The following DCP1A variants were observed in gnomAD, a reference collection of about 807,000 sequenced individuals.
DCP1A encodes the protein mRNA-decapping enzyme 1A.
DCP1A carries 20 observed loss-of-function variants against 58.0 expected under a neutral mutation model. The observed-to-expected ratio is 0.34, with a 90% CI of 0.24 to 0.50. The LOEUF (loss-of-function observed/expected upper bound fraction) is 0.50. DCP1A is among the 20% of genes least tolerant of loss of function. DCP1A has a pLI of 0.98. For missense variants in DCP1A, 613 were observed against 712.2 expected, an observed-to-expected ratio of 0.86 and a Z score of 1.59; for synonymous variants, 285 against 275.1, an observed-to-expected ratio of 1.04 and a Z score of -0.36.
intron 3 of DCP1A, among the ~76,000 whole-genome samples, chr3:53,332,712 A>T (rs1190650040): frequency 1.3e-5 from 2 of 152,098 alleles, no homozygotes; most frequent in African/African-American, 4.8e-5. Context: ...AAAATACCAA[A>T]AAATTAGCCG....
chr3:53,305,729 T>C (rs1399592071), intron 5 of DCP1A, among the ~76,000 whole-genome samples: 1 of 152,154 alleles, frequency 6.6e-6, no homozygotes, highest in Non-Finnish European at 1.5e-5. Flanking sequence ...CTTCTAAAAG[T>C]TTTATAGTTT....
At chr3:53,302,240 A>C (rs1327195975) in intron 6 of DCP1A, among the ~76,000 whole-genome samples, 3 of 152,204 alleles carry the variant, frequency 2.0e-5, no homozygotes, top group African/African-American at 7.2e-5. Context: ...GGTACATAGG[A>C]TCTTTCTGCA....
chr3:53,346,002 GGTT>G (rs572936802), intron 1 of DCP1A, among the ~76,000 whole-genome samples: 5 of 152,052 alleles, frequency 3.3e-5, no homozygotes, highest in Non-Finnish European at 7.4e-5. Context: ...TTTCAATTCA[GGTT>G]ATTATAGCTT....
At chr3:53,300,089 A>T (rs917241959) in intron 6 of DCP1A, among the ~76,000 whole-genome samples, 2 of 152,264 alleles carry the variant, frequency 1.3e-5, no homozygotes, top group South Asian at 4.1e-4. Flanking sequence ...GCTGGTCTCA[A>T]ACTCCTGACC....
chr3:53,304,388 T>C, intron 5 of DCP1A, 98 bp from the exon 6 acceptor site: 1 of 832,630 alleles, frequency 1.2e-6, no homozygotes, highest in Non-Finnish European at 1.9e-6. Context: ...ATGTTATTTT[T>C]TAAAAAGAAG....
intron 3 of DCP1A, among the ~76,000 whole-genome samples, chr3:53,339,096 CA>C (rs1553692280): frequency 6.6e-6 from 1 of 152,110 alleles, no homozygotes; most frequent in African/African-American, 2.4e-5. Context: ...TATGCATAAT[CA>C]GATACTAACT....
At chr3:53,320,394 T>A (rs1358021026) in intron 3 of DCP1A, among the ~76,000 whole-genome samples, 1 of 145,032 alleles carries the variant, frequency 6.9e-6, no homozygotes, top group Non-Finnish European at 1.5e-5. Flanking sequence ...TAGAGTAGAA[T>A]ACTGAACATA....
At chr3:53,322,716 C>T (rs1010015683) in intron 3 of DCP1A, among the ~76,000 whole-genome samples, 1 of 151,954 alleles carries the variant, frequency 6.6e-6, no homozygotes, top group Admixed American at 6.6e-5. Context: ...GGCCATGTGT[C>T]CCACAAGTGG....
chr3:53,323,275 C>T (rs1177776388), intron 3 of DCP1A, among the ~76,000 whole-genome samples: 1 of 152,166 alleles, frequency 6.6e-6, no homozygotes, highest in Non-Finnish European at 1.5e-5. Flanking sequence ...TTTAACATCT[C>T]AATGGAAGGA....
intron 3 of DCP1A, among the ~76,000 whole-genome samples, chr3:53,322,345 G>A (rs995412313): frequency 1.8e-4 from 28 of 151,840 alleles, no homozygotes; most frequent in Admixed American, 1.2e-3. Context: ...CCAGCTACTC[G>A]GGAGGCTGAG....
intron 3 of DCP1A, among the ~76,000 whole-genome samples, chr3:53,332,296 T>C (rs1206127496): frequency 2.6e-5 from 4 of 152,232 alleles, no homozygotes; most frequent in Non-Finnish European, 5.9e-5. Flanking sequence ...ATTGGCCCAA[T>C]TATTTTATTT....
intron 4 of DCP1A, among the ~76,000 whole-genome samples, chr3:53,313,602 T>G (rs1707713486): frequency 6.6e-6 from 1 of 152,118 alleles, no homozygotes; most frequent in African/African-American, 2.4e-5. Context: ...ATAATAAATT[T>G]TAATAAAGCA....
intron 8 of DCP1A, chr3:53,290,558 C>T (rs1706819190): frequency 1.6e-6 from 1 of 628,170 alleles, no homozygotes; most frequent in South Asian, 1.9e-5. Flanking sequence ...CCATAGCTAA[C>T]TCTTTTCACT....
intron 2 of DCP1A, among the ~76,000 whole-genome samples, 157 bp downstream of exon 2, chr3:53,344,741 AAAAG>A (rs1316717520): frequency 1.3e-5 from 2 of 152,212 alleles, no homozygotes; most frequent in Non-Finnish European, 2.9e-5. Flanking sequence ...AGGCTCAGAG[AAAAG>A]AAAGAACCTG....
chr3:53,299,383 T>C (rs534230372), intron 6 of DCP1A, among the ~76,000 whole-genome samples: 2 of 152,346 alleles, frequency 1.3e-5, no homozygotes, highest in South Asian at 2.1e-4. Context: ...TTCATGTAGA[T>C]CAAGTGTTAG....
chr3:53,321,259 A>G (rs1553689916), intron 3 of DCP1A, among the ~76,000 whole-genome samples: 1 of 152,180 alleles, frequency 6.6e-6, no homozygotes, highest in Non-Finnish European at 1.5e-5. Flanking sequence ...CTGTTGTGTC[A>G]TTTCCAGGTT....
intron 5 of DCP1A, among the ~76,000 whole-genome samples, chr3:53,311,032 T>C (rs370656758): frequency 8.7e-4 from 132 of 152,336 alleles, no homozygotes; most frequent in African/African-American, 3.1e-3. Context: ...GTTTTACTTA[T>C]TGCAGGACCT....
At position 53,291,940 on chromosome 3, in the gene DCP1A, C is replaced by T. The variant is rs376243674; in HGVS notation, c.1383+129G>A. On this transcript the variant is annotated intron_variant, in intron 7 of 9. Coordinates refer to ENST00000610213, the MANE Select transcript of DCP1A (RefSeq NM_018403.7). The stretch of plus-strand genomic sequence containing the variant: ...CTTCTTACCTCACCTGTCTCCGAGC[C>T]TCTGACATACTTTAAAGGGACAACT... The T allele has an allele frequency of 5.9e-6, 6 of 1,011,212 alleles. No individual in the cohort carries two copies. In the East Asian group the frequency reaches 1.3e-4, roughly 22 times the overall value. 62.6% of individuals were successfully genotyped at this position (1,011,212 alleles called of 1,614,324 possible). A position where few individuals can be genotyped will look rare whatever the true frequency, so the allele number is the denominator to read the frequency against.
intron 3 of DCP1A, among the ~76,000 whole-genome samples, chr3:53,341,176 C>T (rs371694492): frequency 6.6e-6 from 1 of 151,776 alleles, no homozygotes; most frequent in Non-Finnish European, 1.5e-5. Flanking sequence ...ATTTTCTGGC[C>T]GGGCGTGGTG....
Sources: allele counts gnomAD v4.1 joint callset (sites outside exome capture counted in the v4.1 genomes callset), GRCh38; gene constraint gnomAD v4.1.1; transcripts MANE v1.5; gene names NCBI Gene and HGNC (gene_info 2026-07-23, HGNC 2026-07-21).